Variants in MYO16 observed in about 807,000 individuals in gnomAD.
MYO16 encodes myosin XVI, also known as unconventional myosin-XVI.
Under a neutral mutation model 205.3 loss-of-function variants are expected in MYO16, and 94 were observed. The observed-to-expected ratio is 0.46, with a 90% confidence interval of 0.39 to 0.54. The LOEUF (loss-of-function observed/expected upper bound fraction) is 0.54, where lower values mean the gene tolerates loss of function less well. Among genes scored for constraint, MYO16 ranks in the 20% least tolerant of loss-of-function variants. The probability of loss-of-function intolerance (pLI) is 0.00; values close to 1 mark genes in which losing one functional copy is unlikely to be tolerated. For missense variants in MYO16, 2,315 were observed against 2,387.5 expected (o/e 0.97, Z 0.63); for synonymous variants, 988 against 954.0 (o/e 1.04, Z -0.66).
At chr13:109,004,480 T>C (rs1269011951) in intron 21 of MYO16, among the ~76,000 whole-genome samples, 2 of 152,240 alleles carry the variant, frequency 1.3e-5, no homozygotes, top group Non-Finnish European at 2.9e-5. Flanking sequence ...TGAAATAGTT[T>C]AAACAGTTTT....
chr13:109,056,769 T>G (rs1887430994), intron 27 of MYO16, among the ~76,000 whole-genome samples: 1 of 152,136 alleles, frequency 6.6e-6, no homozygotes, highest in African/African-American at 2.4e-5. Flanking sequence ...GACTATCTGT[T>G]TTTAAGCATT....
Position 108,866,237 on chromosome 13 carries a change from TC to T in MYO16, c.1422del (p.Met475TrpfsTer59). The T allele has an allele frequency of 1.3e-6, 2 of 1,587,912 alleles. No individual in the cohort carries two copies. The highest frequency in any genetic ancestry group is 8.6e-7 in the Non-Finnish European group (1 of 1,160,268). Reference protein sequence around the residue: ...NPYKELPIYSSMVSQLYFSSS... With the variant: ...NPYKELPIYSXMVSQLYFSSS... ...ATACAAGGAGCTTCCAATTTATTCT[TC>T]CATGGTGAGCACAAAATTTTAAATA... On this transcript the variant is annotated frameshift_variant, in exon 12 of 35. Coordinates refer to ENST00000457511, the MANE Select transcript of MYO16 (RefSeq NM_001198950.3). LOFTEE classifies it high-confidence loss of function.
chr13:108,665,850 A>C, intron 1 of MYO16, 36 bp from the exon 2 acceptor site: 1 of 1,594,040 alleles, frequency 6.3e-7, no homozygotes, highest in African/African-American at 1.3e-5. Context: ...GGTTATAATA[A>C]TAGGTCTGGT....
intron 16 of MYO16, among the ~76,000 whole-genome samples, chr13:108,952,164 G>T (rs114450903): frequency 2.0e-5 from 3 of 150,784 alleles, no homozygotes; most frequent in African/African-American, 7.3e-5. Context: ...TAAATAAAAC[G>T]ATATATAGTT....
At position 109,140,608 on chromosome 13, in the gene MYO16, G is replaced by A; in HGVS notation, c.4396G>A (p.Gly1466Ser). 6.6e-7 allele frequency: 1 copy of A among 1,518,998 alleles called. No homozygotes were observed. The highest frequency in any genetic ancestry group is 8.8e-7 in the Non-Finnish European group (1 of 1,139,208). 94.1% of individuals were successfully genotyped at this position (1,518,998 alleles called of 1,614,324 possible). ...EMKCCLPDDG[G>S]PGAGSFLLHG... The stretch of plus-strand genomic sequence containing the variant: ...GAAGTGTTGCCTGCCCGACGACGGC[G>A]GCCCGGGCGCGGGCTCCTTCCTGCT... Residue 1466 changes from glycine (G) to serine (S), a missense_variant, in exon 32 of 35, where the codon GGC becomes AGC. By Grantham distance (56) the Gly-to-Ser change is moderately conservative. Around this residue, in one of 3 missense-constraint regions of MYO16, gnomAD observed 1,097 missense variants for 1,092.0 expected, o/e 1.00. Transcript: ENST00000457511. This position sits in a 1 kb window ranked among gnomAD's most constrained non-coding sequence, Gnocchi z 8.0.
chr13:109,023,852 A>G (rs1886257811), intron 23 of MYO16, among the ~76,000 whole-genome samples: 1 of 137,910 alleles, frequency 7.3e-6, no homozygotes, highest in African/African-American at 2.6e-5. Flanking sequence ...TTTATATTCA[A>G]TAAATATAAA....
At chr13:109,200,470 G>A (rs1012209743) in intron 34 of MYO16, among the ~76,000 whole-genome samples, 1 of 152,074 alleles carries the variant, frequency 6.6e-6, no homozygotes, top group African/African-American at 2.4e-5. Context: ...GTTCTTGTTT[G>A]TTGATTCAAA....
chr13:109,027,807 T>G (rs988519818), intron 23 of MYO16, among the ~76,000 whole-genome samples: 3 of 152,180 alleles, frequency 2.0e-5, no homozygotes, highest in Non-Finnish European at 4.4e-5. Context: ...AGGTCTTCAG[T>G]GCAGGAATAC....
At chr13:109,093,457 G>A (rs1224673572) in intron 27 of MYO16, among the ~76,000 whole-genome samples, 2 of 152,128 alleles carry the variant, frequency 1.3e-5, no homozygotes, top group Non-Finnish European at 2.9e-5. Flanking sequence ...ATCTAGTGTG[G>A]GGGACTGGCT....
At chr13:108,677,092 G>C (rs1882247793) in intron 2 of MYO16, among the ~76,000 whole-genome samples, 1 of 152,026 alleles carries the variant, frequency 6.6e-6, no homozygotes, top group Non-Finnish European at 1.5e-5. Flanking sequence ...AATGTTTATT[G>C]AATCCTTGTC....
At chr13:108,589,819 G>A in the MYO16 span, among the ~76,000 whole-genome samples, 12 of 152,216 alleles carry the variant, frequency 7.9e-5, no homozygotes, top group East Asian at 1.9e-3. Context: ...AGCAAGAATA[G>A]TTCAAAAACA....
At chr13:109,023,704 T>TATATATACATATATATGTATATATGC (rs1566468397) in intron 23 of MYO16, among the ~76,000 whole-genome samples, 6 of 104,378 alleles carry the variant, frequency 5.7e-5, no homozygotes, top group African/African-American at 9.8e-5. Flanking sequence ...TGTATATATG[T>TATATATACATATATATGTATATATGC]ATATATACAA....
intron 20 of MYO16, among the ~76,000 whole-genome samples, chr13:108,967,331 A>G (rs142407473): frequency 4.1e-4 from 63 of 152,314 alleles, no homozygotes; most frequent in African/African-American, 1.3e-3. Flanking sequence ...AATAGGCCCA[A>G]TATTAATCAT....
chr13:108,571,200 G>C, the MYO16 span, among the ~76,000 whole-genome samples: 1 of 151,842 alleles, frequency 6.6e-6, no homozygotes, highest in African/African-American at 2.4e-5. Context: ...TGTGAACTGT[G>C]GAAACCTAGG....
upstream of MYO16, among the ~76,000 whole-genome samples, chr13:108,624,655 T>TTAGA (rs551870430): frequency 3.0e-4 from 46 of 152,324 alleles, no homozygotes; most frequent in African/African-American, 9.6e-4. Flanking sequence ...ATGTCCTGCT[T>TTAGA]TAGATACCCA....
chr13:108,615,535 G>A (rs78522766), intron 1 of MYO16, among the ~76,000 whole-genome samples: 3,239 of 152,110 alleles, frequency 0.021, 70 homozygotes, highest in South Asian at 0.087. Context: ...AATAGCAAAA[G>A]AGCTAGAAAC....
intron 2 of MYO16, among the ~76,000 whole-genome samples, chr13:108,702,948 G>C (rs1418196835): frequency 6.6e-5 from 10 of 151,974 alleles, no homozygotes; most frequent in Non-Finnish European, 1.5e-5. Flanking sequence ...GAAAATAAAT[G>C]CTTGAGAATC....
intron 4 of MYO16, among the ~76,000 whole-genome samples, chr13:108,767,552 A>G (rs1885821589): frequency 6.6e-6 from 1 of 152,206 alleles, no homozygotes; most frequent in Admixed American, 6.5e-5. Context: ...AATTGTTAAC[A>G]TGGTTGGGTC....
chr13:108,984,126 C>G (rs188059893), intron 20 of MYO16, among the ~76,000 whole-genome samples: 17 of 152,330 alleles, frequency 1.1e-4, no homozygotes, highest in Admixed American at 1.1e-3. Context: ...ATTCTCACTA[C>G]TTTCTGCCAT....
Sources: gnomAD v4.1 joint callset for allele counts (sites outside exome capture counted in the v4.1 genomes callset) on GRCh38, gnomAD v4.1.1 for gene constraint, gnomAD v4.1.1 regional missense constraint, Gnocchi (gnomAD v3.1) non-coding constraint, MANE v1.5 for transcripts, NCBI Gene and HGNC (gene_info 2026-07-23, HGNC 2026-07-21) for gene names.